RAB38: variants seen among roughly 807,000 people sequenced by gnomAD.
The protein encoded by RAB38 is RAB38, member RAS oncogene family, also known as ras-related protein Rab-38.
In RAB38, 15 loss-of-function variants were observed where a neutral mutation model predicts 18.4. That is an observed-to-expected ratio of 0.82 (90% confidence interval 0.55 to 1.26). The LOEUF is 1.26. Ranked by LOEUF, RAB38 falls within the 50% of genes most tolerant of loss-of-function variation. RAB38 has a pLI of 0.00. For missense variants in RAB38, 294 were observed against 267.4 expected (o/e 1.10, Z -0.69); for synonymous variants, 101 against 104.4 (o/e 0.97, Z 0.20).
chr11:88,049,819 A>T, the RAB38 span, among the ~76,000 whole-genome samples: 1 of 152,318 alleles, frequency 6.6e-6, no homozygotes, highest in South Asian at 2.1e-4. Context: ...TTATAGAAAA[A>T]TTCACCGTCT....
chr11:88,014,674 A>T, the RAB38 span, among the ~76,000 whole-genome samples: 1 of 152,088 alleles, frequency 6.6e-6, no homozygotes, highest in South Asian at 2.1e-4. Context: ...CCTGACAACC[A>T]TGTGTTTTGG....
chr11:87,850,004 A>G, the RAB38 span, among the ~76,000 whole-genome samples: 1 of 132,282 alleles, frequency 7.6e-6, no homozygotes, highest in Non-Finnish European at 1.6e-5. Flanking sequence ...CTGTTAGCCT[A>G]ATAATAATAA....
intron 2 of RAB38, among the ~76,000 whole-genome samples, chr11:88,138,518 C>A (rs1453400017): frequency 6.6e-6 from 1 of 151,998 alleles, no homozygotes; most frequent in Non-Finnish European, 1.5e-5. Flanking sequence ...CATTTAGACA[C>A]AGAGAAGTAA....
chr11:87,807,025 C>T, the RAB38 span, among the ~76,000 whole-genome samples: 1 of 152,144 alleles, frequency 6.6e-6, no homozygotes, highest in Admixed American at 6.5e-5. Context: ...AGCTCCACCT[C>T]CTGTCAGATC....
the RAB38 span, among the ~76,000 whole-genome samples, chr11:88,076,175 G>GATGCT: frequency 6.6e-6 from 1 of 151,740 alleles, no homozygotes; most frequent in Non-Finnish European, 1.5e-5. Flanking sequence ...CATCATTAAA[G>GATGCT]ACTACTACAA....
At chr11:87,970,032 G>A in the RAB38 span, among the ~76,000 whole-genome samples, 2 of 152,004 alleles carry the variant, frequency 1.3e-5, no homozygotes, top group East Asian at 3.9e-4. Flanking sequence ...TGAGACCAAT[G>A]ACGGCAGAAT....
the RAB38 span, among the ~76,000 whole-genome samples, chr11:88,052,076 T>C: frequency 3.3e-5 from 5 of 152,080 alleles, no homozygotes; most frequent in African/African-American, 1.2e-4. Context: ...TGAGCTAAGA[T>C]TGCACCATTG....
At chr11:88,045,831 T>C in the RAB38 span, among the ~76,000 whole-genome samples, 1 of 152,254 alleles carries the variant, frequency 6.6e-6, no homozygotes, top group Admixed American at 6.5e-5. Context: ...CTGTTGCGGG[T>C]ATTGACGGCC....
the RAB38 span, among the ~76,000 whole-genome samples, chr11:87,939,685 C>T: frequency 6.6e-6 from 1 of 151,608 alleles, no homozygotes; most frequent in Non-Finnish European, 1.5e-5. Context: ...TGGTGAGACC[C>T]CCTCTGTACC....
chr11:88,096,662 A>C, the RAB38 span, among the ~76,000 whole-genome samples: 1 of 151,960 alleles, frequency 6.6e-6, no homozygotes, highest in Admixed American at 6.6e-5. Flanking sequence ...AAACAAAGAA[A>C]AAAAGAAAGG....
At chr11:88,082,093 G>T in the RAB38 span, among the ~76,000 whole-genome samples, 137 of 151,956 alleles carry the variant, frequency 9.0e-4, no homozygotes, top group Admixed American at 2.7e-3. Context: ...GTAGTTGCCA[G>T]GGATTGGGAT....
At chr11:87,931,700 G>T in the RAB38 span, among the ~76,000 whole-genome samples, 1 of 152,088 alleles carries the variant, frequency 6.6e-6, no homozygotes, top group Admixed American at 6.6e-5. Context: ...GATTCAGAGA[G>T]AATATATGTG....
chr11:87,968,218 G>A, the RAB38 span, among the ~76,000 whole-genome samples: 1 of 152,082 alleles, frequency 6.6e-6, no homozygotes, highest in East Asian at 1.9e-4. Flanking sequence ...TTGGTTTCCA[G>A]GACCTTACTG....
chr11:87,865,489 T>A, the RAB38 span, among the ~76,000 whole-genome samples: 2 of 151,552 alleles, frequency 1.3e-5, no homozygotes, highest in African/African-American at 4.8e-5. Flanking sequence ...AAAGGTGAAG[T>A]AAGGGTGTCT....
chr11:88,021,421 T>G, the RAB38 span, among the ~76,000 whole-genome samples: 2 of 151,886 alleles, frequency 1.3e-5, no homozygotes, highest in African/African-American at 4.8e-5. Context: ...CAATAATAAG[T>G]AATAAAATCT....
At chr11:88,066,491 T>C in the RAB38 span, among the ~76,000 whole-genome samples, 1 of 152,168 alleles carries the variant, frequency 6.6e-6, no homozygotes, top group Non-Finnish European at 1.5e-5. Context: ...AATGTAAATA[T>C]GCTGCTCTGC....
chr11:87,957,940 G>A, the RAB38 span, among the ~76,000 whole-genome samples: 8 of 152,036 alleles, frequency 5.3e-5, no homozygotes, highest in African/African-American at 1.9e-4. Flanking sequence ...CTCTTCCCTA[G>A]AATCACTTTC....
At chr11:88,169,242 A>C (rs536786238) in intron 1 of RAB38, among the ~76,000 whole-genome samples, 1 of 152,334 alleles carries the variant, frequency 6.6e-6, no homozygotes, top group East Asian at 1.9e-4. Flanking sequence ...CAAACTAGAA[A>C]GTCCACTGAA....
At chr11:88,144,919 C>T (rs1942962852) in intron 2 of RAB38, among the ~76,000 whole-genome samples, 1 of 152,150 alleles carries the variant, frequency 6.6e-6, no homozygotes, top group African/African-American at 2.4e-5. Context: ...CTGAGCATAG[C>T]CACACCTGAT....
Sources: allele counts gnomAD v4.1 joint callset (sites outside exome capture counted in the v4.1 genomes callset), GRCh38; gene constraint gnomAD v4.1.1; transcripts MANE v1.5; gene names NCBI Gene and HGNC (gene_info 2026-07-23, HGNC 2026-07-21).